COX10: variants seen among roughly 807,000 people sequenced by gnomAD.
The protein encoded by COX10 is cytochrome c oxidase assembly factor heme A:farnesyltransferase COX10.
A neutral mutation model predicts 37.3 loss-of-function variants in COX10; 27 were observed. That is an observed-to-expected ratio of 0.72 (90% CI 0.53 to 1.00). The LOEUF (loss-of-function observed/expected upper bound fraction) is 1.00, where lower values mean the gene tolerates loss of function less well. COX10 is among the 50% of genes least tolerant of loss of function. The probability of loss-of-function intolerance (pLI) is 0.00; values close to 1 mark genes in which losing one functional copy is unlikely to be tolerated. For synonymous variants in COX10, 222 were observed against 229.1 expected, an observed-to-expected ratio of 0.97 and a Z score of 0.28; for missense variants, 475 against 563.2, an observed-to-expected ratio of 0.84 and a Z score of 1.59.
chr17:14,189,390 A>G (rs1009077716), intron 5 of COX10, among the ~76,000 whole-genome samples: 9 of 152,180 alleles, frequency 5.9e-5, no homozygotes, highest in Non-Finnish European at 1.3e-4. Flanking sequence ...AATCTTCAAC[A>G]TCATCTGTTC....
chr17:14,131,680 C>G (rs1567598261), intron 4 of COX10, among the ~76,000 whole-genome samples: 1 of 151,976 alleles, frequency 6.6e-6, no homozygotes, highest in African/African-American at 2.4e-5. Context: ...GAAAATATTA[C>G]AGGACACATT....
intron 3 of COX10, among the ~76,000 whole-genome samples, chr17:14,093,411 C>G (rs1412125051): frequency 6.6e-6 from 1 of 152,052 alleles, no homozygotes; most frequent in Non-Finnish European, 1.5e-5. Context: ...TGCTTAGAGA[C>G]CAATACTCCC....
chr17:14,152,091 T>C (rs985340325), intron 4 of COX10, among the ~76,000 whole-genome samples: 1 of 152,156 alleles, frequency 6.6e-6, no homozygotes, highest in Non-Finnish European at 1.5e-5. Context: ...AAGCAGCGGC[T>C]CTGTTGAAAG....
At chr17:14,197,126 A>T (rs1906390668) in intron 6 of COX10, among the ~76,000 whole-genome samples, 1 of 152,244 alleles carries the variant, frequency 6.6e-6, no homozygotes, top group Non-Finnish European at 1.5e-5. Context: ...CTGCAGCCTC[A>T]TATATTGAAG....
chr17:14,180,893 TG>T (rs143031732), intron 5 of COX10, among the ~76,000 whole-genome samples: 11,343 of 152,294 alleles, frequency 0.074, 498 homozygotes, highest in Middle Eastern at 0.12. Flanking sequence ...TTGCATGGTT[TG>T]TAAAGGTTCC....
At chr17:14,098,919 T>C (rs1915709593) in intron 3 of COX10, among the ~76,000 whole-genome samples, 1 of 152,120 alleles carries the variant, frequency 6.6e-6, no homozygotes, top group Non-Finnish European at 1.5e-5. Context: ...TGTAGTAGCA[T>C]ATATGGGCCA....
chr17:14,157,223 T>C (rs888290508), intron 4 of COX10, among the ~76,000 whole-genome samples: 1 of 152,238 alleles, frequency 6.6e-6, no homozygotes, highest in Non-Finnish European at 1.5e-5. Context: ...TGCCGACACC[T>C]GCATACTGCA....
At chr17:14,200,307 G>A (rs1464162622) in intron 6 of COX10, among the ~76,000 whole-genome samples, 1 of 152,200 alleles carries the variant, frequency 6.6e-6, no homozygotes, top group Non-Finnish European at 1.5e-5. Context: ...TCTGGACAAT[G>A]TGCAGAGGTG....
intron 4 of COX10, among the ~76,000 whole-genome samples, chr17:14,138,507 T>C (rs1396322176): frequency 6.6e-6 from 1 of 152,164 alleles, no homozygotes; most frequent in African/African-American, 2.4e-5. Context: ...AGAGTAATGT[T>C]TTTTTAAGTT....
chr17:14,205,522 T>C (rs1210063552), intron 6 of COX10, among the ~76,000 whole-genome samples: 9 of 152,228 alleles, frequency 5.9e-5, no homozygotes, highest in Admixed American at 5.2e-4. Flanking sequence ...GTGTGGATTG[T>C]TGCTCGCCAT....
intron 4 of COX10, among the ~76,000 whole-genome samples, chr17:14,145,528 G>GA (rs1157119590): frequency 6.6e-6 from 1 of 152,118 alleles, no homozygotes; most frequent in African/African-American, 2.4e-5. Context: ...AGGTAGCTCA[G>GA]AATGCTTAGA....
At chr17:14,162,578 T>C (rs978869300) in intron 5 of COX10, among the ~76,000 whole-genome samples, 2 of 151,846 alleles carry the variant, frequency 1.3e-5, no homozygotes. Context: ...AATCAGCACA[T>C]GTTTTACGTT....
intron 4 of COX10, among the ~76,000 whole-genome samples, chr17:14,135,960 T>C (rs948628946): frequency 1.3e-5 from 2 of 152,002 alleles, no homozygotes; most frequent in African/African-American, 4.8e-5. Flanking sequence ...TCAGGCATTT[T>C]TAATTTTCCT....
At chr17:14,171,412 A>C (rs1230496473) in intron 5 of COX10, among the ~76,000 whole-genome samples, 2 of 151,996 alleles carry the variant, frequency 1.3e-5, no homozygotes, top group Non-Finnish European at 1.5e-5. Flanking sequence ...CTGGAGGTGC[A>C]GTGGTGACTA....
In COX10 at chr17:14,175,492, C is replaced by T. The variant is rs529806301; in HGVS notation, c.695+15545C>T. Among the ~76,000 whole-genome samples the T allele has an allele frequency of 5.0e-4, 76 of 151,280 alleles. 1 individual carries two copies. The East Asian group carries it at 0.013, about 26-fold the overall frequency. The stretch of plus-strand genomic sequence containing the variant: ...CACCTCATAGAGTTATGTGAGAAAA[C>T]GACTGTTCTTATAAAGCTGTCAGTA... On this transcript the variant is annotated intron_variant, in intron 5 of 6. Coordinates refer to ENST00000261643, the MANE Select transcript of COX10 (RefSeq NM_001303.4).
chr17:14,095,298 T>G (rs1915619355), intron 3 of COX10, among the ~76,000 whole-genome samples: 1 of 152,186 alleles, frequency 6.6e-6, no homozygotes, highest in Non-Finnish European at 1.5e-5. Context: ...TATGTTTAGC[T>G]CCTTTGTAGT....
At chr17:14,188,263 G>C (rs1906100015) in intron 5 of COX10, among the ~76,000 whole-genome samples, 1 of 148,970 alleles carries the variant, frequency 6.7e-6, no homozygotes, top group Non-Finnish European at 1.5e-5. Context: ...ATTGGAAGAA[G>C]AACAACATTA....
intron 4 of COX10, among the ~76,000 whole-genome samples, chr17:14,122,220 G>C (rs559743490): frequency 6.6e-6 from 1 of 152,264 alleles, no homozygotes; most frequent in Non-Finnish European, 1.5e-5. Flanking sequence ...CCTTCATTCT[G>C]AGAAAGTTGA....
At chr17:14,133,786 TAAG>T (rs1201920069) in intron 4 of COX10, among the ~76,000 whole-genome samples, 1 of 151,764 alleles carries the variant, frequency 6.6e-6, no homozygotes, top group Non-Finnish European at 1.5e-5. Flanking sequence ...TAATTGCAGA[TAAG>T]AAATTTTCTT....
Sources: gnomAD v4.1 joint callset for allele counts (sites outside exome capture counted in the v4.1 genomes callset) on GRCh38, gnomAD v4.1.1 for gene constraint, MANE v1.5 for transcripts, NCBI Gene and HGNC (gene_info 2026-07-23, HGNC 2026-07-21) for gene names.